TPM3: variants seen among roughly 807,000 people sequenced by gnomAD.
TPM3 encodes the protein tropomyosin 3, also known as tropomyosin alpha-3 chain.
Under a neutral mutation model 43.1 loss-of-function variants are expected in TPM3, and 16 were observed. The ratio of observed to expected loss-of-function variants is 0.37; its 90% CI spans 0.25 to 0.56. The LOEUF is 0.56. Ranked by LOEUF, TPM3 falls within the 20% of genes least tolerant of loss-of-function variation. The pLI is 0.77. For missense variants in TPM3, 176 were observed against 337.2 expected, an observed-to-expected ratio of 0.52 and a Z score of 3.74; for synonymous variants, 101 against 116.9, an observed-to-expected ratio of 0.86 and a Z score of 0.88.
chr1:154,170,810 T>C, intron 6 of TPM3, 99 bp from the exon 7 acceptor site: 2 of 861,954 alleles, frequency 2.3e-6, no homozygotes, highest in Non-Finnish European at 3.9e-6. Context: ...CCTCTTGCAC[T>C]AAATGTGCTG....
rs1660916041 is a variant in TPM3 at position 154,165,978 on chromosome 1, T to C, written c.*1959A>G. Among the ~76,000 whole-genome samples, 1 of 152,108 alleles carries C rather than the reference T, an allele frequency of 6.6e-6. No individual in the cohort carries two copies. The highest frequency in any genetic ancestry group is 1.5e-5 in the Non-Finnish European group (1 of 68,028). On this transcript the variant is annotated 3_prime_UTR_variant, in exon 10 of 10. Coordinates refer to ENST00000651641, the MANE Select transcript of TPM3 (RefSeq NM_152263.4). ...AGTATCTGTAGCTTTATGTATGTTT[T>C]CTCTCCTAGTAGATTCTAAGCAACT... is the stretch of plus-strand genomic sequence containing the variant.
chr1:154,167,633 A>T lies in TPM3; in HGVS notation c.*304T>A, dbSNP rs559663449. The T allele has an allele frequency of 1.6e-6, 2 of 1,271,020 alleles. No individual in the cohort carries two copies. The highest frequency in any genetic ancestry group is 6.4e-5 in the East Asian group (2 of 31,370). 78.7% of individuals were successfully genotyped at this position (1,271,020 alleles called of 1,614,324 possible). ...CACACACAAAAGTGGCTTTGATTACATAAGTCAGAGGAGGGGGAGCCTACA... is the reference window on the plus strand; with the variant it reads ...CACACACAAAAGTGGCTTTGATTACTTAAGTCAGAGGAGGGGGAGCCTACA... On this transcript the variant is annotated 3_prime_UTR_variant, in exon 10 of 10. Transcript: ENST00000651641.
Position 154,167,213 on chromosome 1 carries a change from G to T in TPM3, c.*724C>A, listed in dbSNP as rs1474179490. ...TAGCAAGTCTCAAATATGTAAGAAA[G>T]GTTTAAAGAAGAAAAAGTAAAAAAA... On this transcript the variant is annotated 3_prime_UTR_variant, in exon 10 of 10. Coordinates refer to ENST00000651641, the MANE Select transcript of TPM3 (RefSeq NM_152263.4). The T allele has an allele frequency of 1.3e-6, 1 of 770,428 alleles. No homozygotes were observed. Among genetic ancestry groups the T allele is most frequent in the Non-Finnish European group, 1.6e-6 (1 of 634,174 alleles). 47.7% of individuals were successfully genotyped at this position (770,428 alleles called of 1,614,324 possible). A position where few individuals can be genotyped will look rare whatever the true frequency, so the allele number is the denominator to read the frequency against.
In TPM3 at chr1:154,192,083, A is replaced by G; in HGVS notation, c.-65T>C. On this transcript the variant is annotated 5_prime_UTR_variant, in exon 1 of 10. Coordinates refer to ENST00000651641, the MANE Select transcript of TPM3 (RefSeq NM_152263.4). ...GAACTGGAGACTGGGGCAAGAAAGA[A>G]GGGGCTGCTGCCTGAGTGACCAGGA... The G allele has an allele frequency of 7.1e-7, 1 of 1,413,516 alleles. No homozygotes were observed. The highest frequency in any genetic ancestry group is 2.3e-5 in the East Asian group (1 of 43,878). The allele number at this position is 1,413,516 out of a possible 1,614,324, so 87.6% of individuals were successfully genotyped here. A position where few individuals can be genotyped will look rare whatever the true frequency, so the allele number is the denominator to read the frequency against.
intron 5 of TPM3, chr1:154,172,549 C>T (rs1296339524): frequency 6.4e-6 from 3 of 468,130 alleles, no homozygotes; most frequent in Admixed American, 2.7e-5. Flanking sequence ...TGAGCCACCA[C>T]ACCCAGCCAG....
intron 5 of TPM3, chr1:154,172,245 ATATGT>A (rs749965920): frequency 1.2e-6 from 1 of 833,966 alleles, no homozygotes; most frequent in Non-Finnish European, 2.1e-6. Context: ...CATGGTCATG[ATATGT>A]TATGTCTGGC....
chr1:154,174,539 T>C (rs1435014656), intron 3 of TPM3, among the ~76,000 whole-genome samples: 2 of 149,254 alleles, frequency 1.3e-5, no homozygotes, highest in Admixed American at 1.3e-4. Context: ...TCTTTTTTTT[T>C]TTTTGAGACC....
intron 2 of TPM3, among the ~76,000 whole-genome samples, chr1:154,182,659 G>A (rs1354860831): frequency 6.6e-6 from 1 of 152,164 alleles, no homozygotes; most frequent in Admixed American, 6.5e-5. Context: ...AGTGGGGGAG[G>A]GAGAAGCCGC....
chr1:154,173,260 C>T (rs905046267), intron 3 of TPM3, 59 bp from the exon 4 acceptor site: 1 of 1,389,744 alleles, frequency 7.2e-7, no homozygotes, highest in Non-Finnish European at 1.0e-6. Flanking sequence ...GTCAGCTCCA[C>T]TCCAAGGGTC....
Position 154,166,682 on chromosome 1 carries a change from C to A in TPM3, c.*1255G>T, listed in dbSNP as rs529184703. On this transcript the variant is annotated 3_prime_UTR_variant, in exon 10 of 10. Coordinates refer to ENST00000651641, the MANE Select transcript of TPM3 (RefSeq NM_152263.4). ...AATCTCTGCTGTGTAAATTGGAATG[C>A]GAATTCCTTTTTTTTTTTTGAGATG... 1.0e-6 allele frequency: 1 copy of A among 1,004,738 alleles called. No individual in the cohort carries two copies. The highest frequency in any genetic ancestry group is 1.2e-6 in the Non-Finnish European group (1 of 849,162). 62.2% of individuals were successfully genotyped at this position (1,004,738 alleles called of 1,614,324 possible). A position where few individuals can be genotyped will look rare whatever the true frequency, so the allele number is the denominator to read the frequency against.
chr1:154,167,614 C>T lies in TPM3; in HGVS notation c.*323G>A. The T allele has an allele frequency of 3.3e-6, 4 of 1,228,708 alleles. No individual in the cohort carries two copies. Among genetic ancestry groups the T allele is most frequent in the Non-Finnish European group, 4.1e-6 (4 of 974,886 alleles). The allele number at this position is 1,228,708 out of a possible 1,614,324, so 76.1% of individuals were successfully genotyped here. On this transcript the variant is annotated 3_prime_UTR_variant, in exon 10 of 10. Transcript: ENST00000651641. ...AATGTCAAGAAAAAATAGACACACACAAAAGTGGCTTTGATTACATAAGTC... is the reference window on the plus strand; with the variant it reads ...AATGTCAAGAAAAAATAGACACACATAAAAGTGGCTTTGATTACATAAGTC...
rs745782085 is a variant in TPM3 at position 154,167,438 on chromosome 1, G to T, written c.*499C>A. The T allele has an allele frequency of 6.1e-5, 65 of 1,072,262 alleles. No individual in the cohort carries two copies. In the Middle Eastern group the frequency reaches 1.2e-3, roughly 21 times the overall value. 66.4% of individuals were successfully genotyped at this position (1,072,262 alleles called of 1,614,324 possible). A position where few individuals can be genotyped will look rare whatever the true frequency, so the allele number is the denominator to read the frequency against. On this transcript the variant is annotated 3_prime_UTR_variant, in exon 10 of 10. Transcript: ENST00000651641. ...CCACACCAAAGGAGGAATACCTGAA[G>T]AGAGAATGGAAACACTGCAGGCAGG... is the stretch of plus-strand genomic sequence containing the variant.
intron 2 of TPM3, chr1:154,187,567 A>G (rs1187617142): frequency 1.0e-6 from 1 of 952,494 alleles, no homozygotes; most frequent in African/African-American, 1.8e-5. Context: ...TGAGTAGACC[A>G]CATCTAGGTG....
intron 6 of TPM3, 177 bp from the exon 7 acceptor site, chr1:154,170,888 C>T: frequency 1.6e-6 from 1 of 620,784 alleles, no homozygotes; most frequent in Non-Finnish European, 2.9e-6. Context: ...AAATCTATGT[C>T]TTTAGAGCCA....
At position 154,167,279 on chromosome 1, in the gene TPM3, G is replaced by C; in HGVS notation, c.*658C>G. 15 of 980,628 alleles carry C rather than the reference G, an allele frequency of 1.5e-5. No homozygotes were observed. The highest frequency in any genetic ancestry group is 1.8e-5 in the Non-Finnish European group (15 of 825,630). The allele number at this position is 980,628 out of a possible 1,614,324, so 60.7% of individuals were successfully genotyped here. A position where few individuals can be genotyped will look rare whatever the true frequency, so the allele number is the denominator to read the frequency against. On this transcript the variant is annotated 3_prime_UTR_variant, in exon 10 of 10. Coordinates refer to ENST00000651641, the MANE Select transcript of TPM3 (RefSeq NM_152263.4). ...TCCATTGTGTATTTTTCTGTGACTGGAGTTGACATAATTAGTCAATCTTAG... is the reference window on the plus strand; with the variant it reads ...TCCATTGTGTATTTTTCTGTGACTGCAGTTGACATAATTAGTCAATCTTAG...
intron 2 of TPM3, among the ~76,000 whole-genome samples, chr1:154,180,862 T>C (rs982907769): frequency 1.3e-5 from 2 of 151,110 alleles, no homozygotes; most frequent in African/African-American, 2.4e-5. Context: ...GAGGTGGAGG[T>C]TGCAGTGAGC....
At chr1:154,175,571 A>G (rs1183842146) in intron 3 of TPM3, among the ~76,000 whole-genome samples, 1 of 152,196 alleles carries the variant, frequency 6.6e-6, no homozygotes, top group Non-Finnish European at 1.5e-5. Flanking sequence ...AGATCAGCAT[A>G]GGAGCTGAGA....
downstream of TPM3, chr1:154,156,446 C>T (rs1659816033): frequency 5.2e-6 from 1 of 191,528 alleles, no homozygotes; most frequent in Non-Finnish European, 1.1e-5. Flanking sequence ...TTCTCTTTCT[C>T]CCAATCGGCC....
intron 2 of TPM3, among the ~76,000 whole-genome samples, chr1:154,182,737 G>A (rs1209250361): frequency 6.6e-6 from 1 of 152,092 alleles, no homozygotes; most frequent in African/African-American, 2.4e-5. Context: ...AAAAAGAGGA[G>A]GAAAGCCACA....
Sources: allele counts gnomAD v4.1 joint callset (sites outside exome capture counted in the v4.1 genomes callset), GRCh38; gene constraint gnomAD v4.1.1; transcripts MANE v1.5; gene names NCBI Gene and HGNC (gene_info 2026-07-23, HGNC 2026-07-21).